The following PTPRE variants were observed in gnomAD, a reference collection of about 807,000 sequenced individuals.
PTPRE encodes the protein receptor-type tyrosine-protein phosphatase epsilon.
A neutral mutation model predicts 102.0 loss-of-function variants in PTPRE; 51 were observed. The observed-to-expected ratio is 0.50, with a 90% confidence interval of 0.40 to 0.63. The LOEUF is 0.63. Among genes scored for constraint, PTPRE ranks in the 30% least tolerant of loss-of-function variants. The probability of loss-of-function intolerance (pLI) is 0.00; values close to 1 mark genes in which losing one functional copy is unlikely to be tolerated. For synonymous variants in PTPRE, 345 were observed against 348.2 expected, an observed-to-expected ratio of 0.99 and a Z score of 0.10; for missense variants, 752 against 915.1, an observed-to-expected ratio of 0.82 and a Z score of 2.30.
intron 20 of PTPRE, 141 bp from the exon 21 acceptor site, chr10:128,082,691 T>G: frequency 1.0e-6 from 1 of 973,140 alleles, no homozygotes; most frequent in Non-Finnish European, 1.4e-6. Context: ...GCCTAAAAAC[T>G]AAATTACGAT....
intron 2 of PTPRE, among the ~76,000 whole-genome samples, chr10:128,021,891 C>A (rs1050520682): frequency 6.6e-6 from 1 of 152,188 alleles, no homozygotes; most frequent in Admixed American, 6.5e-5. Flanking sequence ...ACTCTGATGG[C>A]GAGTCTTCAT....
At chr10:128,029,070 G>A (rs150904725) in intron 2 of PTPRE, among the ~76,000 whole-genome samples, 26 of 152,316 alleles carry the variant, frequency 1.7e-4, no homozygotes, top group African/African-American at 5.8e-4. Flanking sequence ...CTCCTCGGAG[G>A]CAGATAAGAG....
At chr10:127,914,230 C>G (rs1564792213) in intron 1 of PTPRE, among the ~76,000 whole-genome samples, 1 of 152,170 alleles carries the variant, frequency 6.6e-6, no homozygotes, top group Non-Finnish European at 1.5e-5. Flanking sequence ...TCACCTGAAG[C>G]AGGTGCCAGC....
intron 1 of PTPRE, among the ~76,000 whole-genome samples, chr10:127,918,382 C>A (rs565970711): frequency 1.3e-5 from 2 of 151,984 alleles, no homozygotes; most frequent in South Asian, 4.1e-4. Flanking sequence ...CACGGTGAAA[C>A]CCCATCTCTA....
chr10:128,025,847 C>G (rs1250944293), intron 2 of PTPRE, among the ~76,000 whole-genome samples: 1 of 152,202 alleles, frequency 6.6e-6, no homozygotes, highest in Non-Finnish European at 1.5e-5. Flanking sequence ...TGTCTGTTCC[C>G]CAGGGACCTC....
chr10:128,033,777 T>G (rs186312072), intron 2 of PTPRE, among the ~76,000 whole-genome samples: 29 of 152,342 alleles, frequency 1.9e-4, no homozygotes, highest in Non-Finnish European at 5.9e-5. Context: ...CCTGAGCAGC[T>G]GGGATTACAG....
chr10:127,973,223 A>G (rs1850896211), intron 1 of PTPRE, among the ~76,000 whole-genome samples: 1 of 152,218 alleles, frequency 6.6e-6, no homozygotes, highest in South Asian at 2.1e-4. Context: ...GTGGTGGGGA[A>G]AAAATAGGTG....
At position 128,067,747 on chromosome 10, in the gene PTPRE, G is replaced by C. The variant is rs532577736; in HGVS notation, c.844-376G>C. On this transcript the variant is annotated intron_variant, in intron 11 of 20. Transcript: ENST00000254667. The stretch of plus-strand genomic sequence containing the variant: ...GACAGCTTTGCCCAAGGAAGGATGT[G>C]CTGTTGGTGATTACTCAGCACCACC... Among the ~76,000 whole-genome samples the C allele has an allele frequency of 2.6e-5, 4 of 152,334 alleles. No homozygotes were observed. In the East Asian group the frequency reaches 7.7e-4, roughly 29 times the overall value.
At chr10:128,076,776 G>C (rs747111649) in intron 18 of PTPRE, 48 bp downstream of exon 18, 1 of 1,604,060 alleles carries the variant, frequency 6.2e-7, no homozygotes, top group Non-Finnish European at 8.5e-7. Flanking sequence ...AGTGAACCAC[G>C]CCCTCCCTCT....
At chr10:128,018,055 G>C (rs1845581071) in intron 2 of PTPRE, among the ~76,000 whole-genome samples, 1 of 152,180 alleles carries the variant, frequency 6.6e-6, no homozygotes, top group African/African-American at 2.4e-5. Flanking sequence ...GCCCACAACA[G>C]ATCCAGTGCC....
intron 20 of PTPRE, among the ~76,000 whole-genome samples, chr10:128,080,799 GGTCTA>G (rs1263626196): frequency 6.6e-6 from 1 of 152,172 alleles, no homozygotes; most frequent in Non-Finnish European, 1.5e-5. Context: ...TAGAGTAAAG[GGTCTA>G]GTCCAATGCC....
chr10:127,957,416 T>G (rs1319342633), intron 1 of PTPRE, among the ~76,000 whole-genome samples: 1 of 152,224 alleles, frequency 6.6e-6, no homozygotes, highest in African/African-American at 2.4e-5. Flanking sequence ...TTCCATTCTG[T>G]TGGATTTTTT....
rs1356037058 is a variant in PTPRE at position 127,944,938 on chromosome 10, C to T, written c.-30-37336C>T. 6.6e-6 allele frequency among the ~76,000 whole-genome samples: 1 copy of T among 152,114 alleles called. No individual in the cohort carries two copies. The highest frequency in any genetic ancestry group is 1.5e-5 in the Non-Finnish European group (1 of 68,018). On this transcript the variant is annotated intron_variant, in intron 1 of 20. Coordinates refer to ENST00000254667, the MANE Select transcript of PTPRE (RefSeq NM_006504.6). This position sits in a 1 kb window ranked among gnomAD's most constrained non-coding sequence, Gnocchi z 4.2. ...AAAAAGAGGGCGGCATCTAGAGTGA[C>T]CCCCAGTGGGCTGGACAGCTGGGGG...
chr10:128,056,176 A>G lies in PTPRE; in HGVS notation c.474A>G (p.Glu158=). ...CTTTTGAACTGGCAAATAAAGAAGAAAACAGAGAAAAAAACAGATATCCCA... is the reference window on the plus strand; with the variant it reads ...CTTTTGAACTGGCAAATAAAGAAGAGAACAGAGAAAAAAACAGATATCCCA... ...QGTFELANKE[E]NREKNRYPNI... Residue 158 remains glutamate (E), a synonymous_variant, in exon 7 of 21, where the codon GAA becomes GAG. Transcript: ENST00000254667. 1 of 1,612,740 alleles carries G rather than the reference A, an allele frequency of 6.2e-7. No individual in the cohort carries two copies. Among genetic ancestry groups the G allele is most frequent in the Non-Finnish European group, 8.5e-7 (1 of 1,178,774 alleles).
chr10:127,960,133 T>G (rs1300791213), intron 1 of PTPRE, among the ~76,000 whole-genome samples: 1 of 152,178 alleles, frequency 6.6e-6, no homozygotes, highest in East Asian at 1.9e-4. Context: ...AGCTTGGGCA[T>G]GCTTGCTGGC....
intron 2 of PTPRE, among the ~76,000 whole-genome samples, chr10:128,004,332 G>A (rs1213111390): frequency 1.3e-5 from 2 of 151,900 alleles, no homozygotes; most frequent in Non-Finnish European, 2.9e-5. Context: ...CATTCACAGT[G>A]TTGGGCAGCC....
chr10:128,075,599 A>C (rs1449223547), intron 17 of PTPRE, among the ~76,000 whole-genome samples: 1 of 152,224 alleles, frequency 6.6e-6, no homozygotes, highest in African/African-American at 2.4e-5. Context: ...TGAAAGTTTG[A>C]ATTTGCAAGA....
intron 2 of PTPRE, among the ~76,000 whole-genome samples, chr10:128,005,524 G>C (rs1854440808): frequency 6.6e-6 from 1 of 152,192 alleles, no homozygotes; most frequent in Non-Finnish European, 1.5e-5. Flanking sequence ...TAATGACAAA[G>C]AGTTTTAACA....
chr10:127,947,439 T>C (rs553592271), intron 1 of PTPRE, among the ~76,000 whole-genome samples: 1 of 152,320 alleles, frequency 6.6e-6, no homozygotes, highest in East Asian at 1.9e-4. Flanking sequence ...CCCTATGCTG[T>C]GTGTTAGAAG....
Sources: allele counts gnomAD v4.1 joint callset (sites outside exome capture counted in the v4.1 genomes callset), GRCh38; gene constraint gnomAD v4.1.1; non-coding constraint Gnocchi (gnomAD v3.1); transcripts MANE v1.5; gene names NCBI Gene and HGNC (gene_info 2026-07-23, HGNC 2026-07-21).